The following NID2 variants were observed in gnomAD, a reference collection of about 807,000 sequenced individuals.
NID2 encodes the protein nidogen 2.
In NID2, 83 loss-of-function variants were observed where a neutral mutation model predicts 145.4. The ratio of observed to expected loss-of-function variants is 0.57; its 90% CI spans 0.48 to 0.69. The LOEUF (loss-of-function observed/expected upper bound fraction) is 0.69. Among genes scored for constraint, NID2 ranks in the 30% least tolerant of loss-of-function variants. NID2 has a pLI of 0.00. For synonymous variants in NID2, 739 were observed against 701.3 expected, an observed-to-expected ratio of 1.05 and a Z score of -0.85; for missense variants, 1,807 against 1,765.7, an observed-to-expected ratio of 1.02 and a Z score of -0.42.
chr14:52,012,677 TCTC>T (rs59855335), intron 16 of NID2, among the ~76,000 whole-genome samples: 16,470 of 152,206 alleles, frequency 0.11, 938 homozygotes, highest in African/African-American at 0.12. Flanking sequence ...TAGTGAGGTC[TCTC>T]CTCCTCATTG....
chr14:52,019,087 G>C lies in NID2; in HGVS notation c.3002C>G (p.Thr1001Ser). ...TGGTGATGGTCCACAGTGAGGCGGG[G>C]TGGAGCCAGGTGGAGTCTGGGTACC... ...VPGTQTPPGS[T>S]PPHCGPSPEP... is the part of the protein sequence containing the mutation. The change falls in exon 14 of 22, where the codon ACC becomes AGC. Residue 1001 changes from threonine (T) to serine (S), a missense_variant. Coordinates refer to ENST00000216286, the MANE Select transcript of NID2 (RefSeq NM_007361.4). 1 of 1,614,080 alleles carries C rather than the reference G, an allele frequency of 6.2e-7. No homozygotes were observed. Among genetic ancestry groups the C allele is most frequent in the African/African-American group, 1.3e-5 (1 of 75,032 alleles).
At chr14:52,066,064 T>G (rs1893197843) in intron 2 of NID2, among the ~76,000 whole-genome samples, 1 of 152,184 alleles carries the variant, frequency 6.6e-6, no homozygotes, top group Admixed American at 6.5e-5. Context: ...GTTTTCTTAA[T>G]GAAACATTCT....
At chr14:52,044,819 C>A (rs1342887389) in intron 5 of NID2, among the ~76,000 whole-genome samples, 1 of 151,876 alleles carries the variant, frequency 6.6e-6, no homozygotes, top group Non-Finnish European at 1.5e-5. Flanking sequence ...GGTCTCCCTG[C>A]GTTGCCCAGG....
At chr14:52,027,176 T>C (rs775971051) in intron 12 of NID2, 25 bp downstream of exon 12, 36 of 1,453,360 alleles carry the variant, frequency 2.5e-5, no homozygotes, top group African/African-American at 4.4e-5. Context: ...TTTCCAGTCA[T>C]TGAGGCTGAC....
chr14:52,065,839 A>AT lies in NID2; in HGVS notation c.534+2018dup, dbSNP rs571635163. 2.2e-5 allele frequency among the ~76,000 whole-genome samples: 3 copies of AT among 139,388 alleles called. No individual in the cohort carries two copies. In the East Asian group the frequency reaches 6.2e-4, roughly 29 times the overall value. The allele number at this position is 139,388 out of a possible 152,430, so 91.4% of individuals were successfully genotyped here. A position where few individuals can be genotyped will look rare whatever the true frequency, so the allele number is the denominator to read the frequency against. On this transcript the variant is annotated intron_variant, in intron 2 of 21. Coordinates refer to ENST00000216286, the MANE Select transcript of NID2 (RefSeq NM_007361.4). ...TCCCTACAAAGGACATGAACTCATCATTTTTTAAGGCTGCATAGTATTCCA... is the reference window on the plus strand; with the variant it reads ...TCCCTACAAAGGACATGAACTCATCATTTTTTTAAGGCTGCATAGTATTCCA...
At chr14:52,051,406 G>A (rs753639318) in intron 5 of NID2, among the ~76,000 whole-genome samples, 3 of 152,156 alleles carry the variant, frequency 2.0e-5, no homozygotes, top group African/African-American at 2.4e-5. Flanking sequence ...CAGACTACAT[G>A]TCTTGCCCCA....
At chr14:52,022,242 GCAT>G (rs1190743155) in intron 12 of NID2, among the ~76,000 whole-genome samples, 1 of 150,620 alleles carries the variant, frequency 6.6e-6, no homozygotes, top group Non-Finnish European at 1.5e-5. Flanking sequence ...GATACTGTTG[GCAT>G]CATCAAAGAT....
At chr14:52,062,481 A>G (rs780923851) in intron 2 of NID2, among the ~76,000 whole-genome samples, 1 of 152,258 alleles carries the variant, frequency 6.6e-6, no homozygotes, top group Non-Finnish European at 1.5e-5. Context: ...GATAGTCGAC[A>G]TCATCAACTA....
At chr14:52,057,555 T>C (rs1892892047) in intron 3 of NID2, among the ~76,000 whole-genome samples, 1 of 151,148 alleles carries the variant, frequency 6.6e-6, no homozygotes, top group Non-Finnish European at 1.5e-5. Flanking sequence ...ATACAAAAAT[T>C]AGCCGGGTGT....
At chr14:52,026,327 C>A (rs1392411424) in intron 12 of NID2, among the ~76,000 whole-genome samples, 1 of 152,210 alleles carries the variant, frequency 6.6e-6, no homozygotes, top group Non-Finnish European at 1.5e-5. Flanking sequence ...GAGGCAGATG[C>A]ACACAGCAAC....
At chr14:52,022,744 A>G (rs1367553359) in intron 12 of NID2, among the ~76,000 whole-genome samples, 1 of 152,204 alleles carries the variant, frequency 6.6e-6, no homozygotes, top group East Asian at 1.9e-4. Flanking sequence ...TCGTGCTTCA[A>G]CATCCTTCTC....
intron 9 of NID2, among the ~76,000 whole-genome samples, chr14:52,035,856 GTATA>G (rs60735637): frequency 0.014 from 886 of 65,274 alleles, 16 homozygotes; most frequent in African/African-American, 0.038. Context: ...ATTTTTTTGT[GTATA>G]TATATATATA....
intron 2 of NID2, among the ~76,000 whole-genome samples, chr14:52,064,226 C>T (rs1320404881): frequency 6.6e-6 from 1 of 152,194 alleles, no homozygotes; most frequent in Admixed American, 6.5e-5. Flanking sequence ...CAGATGGAGG[C>T]CTCCATTGGG....
In NID2 at chr14:52,016,049, C is replaced by A. The variant is rs570769134; in HGVS notation, c.3029-774G>T. ...CTTCCTGCCGTGTTGCCCTTTCCCC[C>A]CCTTTCTCCAGCATCCTCTCCTCTT... is the stretch of plus-strand genomic sequence containing the variant. On this transcript the variant is annotated intron_variant, in intron 14 of 21. Coordinates refer to ENST00000216286, the MANE Select transcript of NID2 (RefSeq NM_007361.4). Among the ~76,000 whole-genome samples, 15 of 152,140 alleles carry A rather than the reference C, an allele frequency of 9.9e-5. No homozygotes were observed. The South Asian group carries it at 1.7e-3, about 17-fold the overall frequency.
In NID2 at chr14:52,007,908, T is replaced by A; in HGVS notation, c.3782A>T (p.Asp1261Val). Residue 1261 changes from aspartate (D) to valine (V), a missense_variant, in exon 19 of 22, where the codon GAT becomes GTT. By Grantham distance (152) the Asp-to-Val change is radical (BLOSUM62 -3). Coordinates refer to ENST00000216286, the MANE Select transcript of NID2 (RefSeq NM_007361.4). ...GATCAGAATTCTTCTGTTTTCTCCA[T>A]CTAAAGATGACGTTTCAATTTTAGG... ...EAPKIETSSL[D>V]GENRRILINT... is the part of the protein sequence containing the mutation. 6.2e-7 allele frequency: 1 copy of A among 1,613,948 alleles called. No individual in the cohort carries two copies. The highest frequency in any genetic ancestry group is 8.5e-7 in the Non-Finnish European group (1 of 1,179,868).
intron 5 of NID2, among the ~76,000 whole-genome samples, chr14:52,045,793 A>G (rs992363682): frequency 1.3e-5 from 2 of 152,208 alleles, no homozygotes; most frequent in Non-Finnish European, 2.9e-5. Flanking sequence ...CTTAAGGGCC[A>G]TCAGGACTTT....
chr14:52,039,191 T>A (rs12890765), intron 8 of NID2, among the ~76,000 whole-genome samples: 74,935 of 151,918 alleles, frequency 0.49, 18,839 homozygotes, highest in South Asian at 0.55. Context: ...CAATTGTCCA[T>A]GTTATTATAC....
At chr14:52,051,094 C>T (rs958693069) in intron 5 of NID2, among the ~76,000 whole-genome samples, 1 of 152,116 alleles carries the variant, frequency 6.6e-6, no homozygotes, top group Admixed American at 6.5e-5. Context: ...AGACAGAGCT[C>T]GAGTGTGGCC....
intron 3 of NID2, among the ~76,000 whole-genome samples, chr14:52,055,154 G>A (rs190016556): frequency 2.2e-4 from 34 of 152,256 alleles, no homozygotes. Context: ...CAATTTTATA[G>A]AGGGGAAAAT....
Sources: gnomAD v4.1 joint callset for allele counts (sites outside exome capture counted in the v4.1 genomes callset) on GRCh38, gnomAD v4.1.1 for gene constraint, MANE v1.5 for transcripts, NCBI Gene and HGNC (gene_info 2026-07-23, HGNC 2026-07-21) for gene names.